Variants in AFF2 observed in about 807,000 individuals in gnomAD.
The protein encoded by AFF2 is ALF transcription elongation factor 2.
In AFF2, 14 loss-of-function variants were observed where a neutral mutation model predicts 76.9. That is an observed-to-expected ratio of 0.18 (90% CI 0.12 to 0.28). The LOEUF (loss-of-function observed/expected upper bound fraction) is 0.28, where lower values mean the gene tolerates loss of function less well. Among genes scored for constraint, AFF2 ranks in the 10% least tolerant of loss-of-function variants. The probability of loss-of-function intolerance (pLI) is 1.00; values close to 1 mark genes in which losing one functional copy is unlikely to be tolerated. For synonymous variants in AFF2, 398 were observed against 366.7 expected, an observed-to-expected ratio of 1.09 and a Z score of -0.98; for missense variants, 868 against 1,001.1, an observed-to-expected ratio of 0.87 and a Z score of 1.79.
chrX:148,755,864 C>T (rs1252867748), intron 3 of AFF2, among the ~76,000 whole-genome samples: 2 of 111,648 alleles, frequency 1.8e-5, no homozygotes, highest in East Asian at 5.6e-4. Flanking sequence ...CATCTGAGCC[C>T]TTTGCTCCTT....
chrX:148,558,603 TAAGAA>T (rs2053078060), intron 1 of AFF2, among the ~76,000 whole-genome samples: 1 of 111,417 alleles, frequency 9.0e-6, no homozygotes, highest in Admixed American at 9.5e-5. Flanking sequence ...TCCAAACATA[TAAGAA>T]AAGAGACAGA....
chrX:148,911,297 G>A (rs1233137849), intron 9 of AFF2, among the ~76,000 whole-genome samples: 2 of 111,391 alleles, frequency 1.8e-5, no homozygotes, highest in African/African-American at 6.5e-5. Context: ...ACTTGGTAAA[G>A]CCTTTGAAAT....
At chrX:148,590,477 T>G (rs781966072) in intron 1 of AFF2, among the ~76,000 whole-genome samples, 4 of 111,734 alleles carry the variant, frequency 3.6e-5, no homozygotes, top group African/African-American at 9.8e-5. Context: ...TTCTTCCTTT[T>G]TAATTTCTCA....
intron 4 of AFF2, among the ~76,000 whole-genome samples, chrX:148,835,545 C>T (rs1370426362): frequency 1.0e-5 from 1 of 96,139 alleles, no homozygotes; most frequent in Non-Finnish European, 2.0e-5. Flanking sequence ...AGTGCAGTGG[C>T]ACAATCTTGA....
At chrX:148,779,152 T>G (rs1294420199) in intron 3 of AFF2, among the ~76,000 whole-genome samples, 1 of 112,114 alleles carries the variant, frequency 8.9e-6, no homozygotes, top group African/African-American at 3.2e-5. Flanking sequence ...GTTGTGCGGT[T>G]TTCAGTGAGT....
chrX:148,704,537 T>C (rs1351619864), intron 3 of AFF2, among the ~76,000 whole-genome samples: 1 of 75,418 alleles, frequency 1.3e-5, no homozygotes, highest in South Asian at 6.4e-4. Flanking sequence ...TATATAAAAA[T>C]TTTTTTTGAG....
intron 1 of AFF2, among the ~76,000 whole-genome samples, chrX:148,610,069 T>C (rs1044289975): frequency 3.6e-5 from 4 of 111,758 alleles, no homozygotes; most frequent in Admixed American, 9.5e-5. Flanking sequence ...TGATGGGTGA[T>C]AATAGTGCTT....
At chrX:148,623,620 T>TATATATATA (rs1569552301) in intron 1 of AFF2, among the ~76,000 whole-genome samples, 2 of 108,274 alleles carry the variant, frequency 1.8e-5, no homozygotes, top group Non-Finnish European at 3.8e-5. Context: ...TATATATATA[T>TATATATATA]TTAACTTGGT....
At chrX:148,589,346 A>T (rs1812041396) in intron 1 of AFF2, among the ~76,000 whole-genome samples, 1 of 111,919 alleles carries the variant, frequency 8.9e-6, no homozygotes, top group African/African-American at 3.3e-5. Context: ...CATTTGGAAT[A>T]TGAATCTTGA....
chrX:148,519,011 T>A, intron 1 of AFF2, among the ~76,000 whole-genome samples: 1 of 112,008 alleles, frequency 8.9e-6, no homozygotes, highest in South Asian at 3.7e-4. Flanking sequence ...GGATTGGGAA[T>A]GACTGACCTA....
chrX:148,625,005 T>C (rs1470895296), intron 1 of AFF2, among the ~76,000 whole-genome samples: 1 of 111,716 alleles, frequency 9.0e-6, no homozygotes, highest in Non-Finnish European at 1.9e-5. Flanking sequence ...TTGTTCTTTT[T>C]TTTTGCATGC....
At chrX:148,883,982 C>T (rs1557278783) in intron 7 of AFF2, among the ~76,000 whole-genome samples, 1 of 13,166 alleles carries the variant, frequency 7.6e-5, no homozygotes, top group East Asian at 0.012. Context: ...TATTGAGATA[C>T]ACACACACAC....
chrX:148,813,566 A>G (rs964233036), intron 4 of AFF2, among the ~76,000 whole-genome samples: 1 of 112,006 alleles, frequency 8.9e-6, no homozygotes, highest in Non-Finnish European at 1.9e-5. Flanking sequence ...AACCTTTACA[A>G]TAACCCTCAA....
At chrX:148,953,463 A>G in intron 9 of AFF2, 117 bp from the exon 10 acceptor site, 1 of 805,857 alleles carries the variant, frequency 1.2e-6, no homozygotes, top group Non-Finnish European at 1.8e-6. Context: ...TAAAATGGGA[A>G]CGGTAAACCC....
rs782743407 is a variant in AFF2 at position 148,997,572 on chromosome X, T to G, written c.*6240T>G. On this transcript the variant is annotated 3_prime_UTR_variant, in exon 21 of 21. Coordinates refer to ENST00000370460, the MANE Select transcript of AFF2 (RefSeq NM_002025.4). The stretch of plus-strand genomic sequence containing the variant: ...ATGTCTTACTCGCTCTTTCTGGCCC[T>G]TCTGTCTTTTGCCTCTGCAATTCTT... 8.9e-6 allele frequency: 1 copy of G among 112,564 alleles called. No homozygotes were observed. The highest frequency in any genetic ancestry group is 3.7e-4 in the South Asian group (1 of 2,719). 9.3% of individuals were successfully genotyped at this position (112,564 alleles called of 1,213,427 possible).
In AFF2 at chrX:149,000,481, T is replaced by TTG; in HGVS notation, c.*9149_*9150insTG. On this transcript the variant is annotated 3_prime_UTR_variant, in exon 21 of 21. Coordinates refer to ENST00000370460, the MANE Select transcript of AFF2 (RefSeq NM_002025.4). ...CACAAGCGTTTTGTTGGTGCTTTGT[T>TTG]CTCAGTACAGTAACTCTGTGTACAA... is the stretch of plus-strand genomic sequence containing the variant. 1 of 113,181 alleles carries TTG rather than the reference T, an allele frequency of 8.8e-6. No individual in the cohort carries two copies. Among genetic ancestry groups the TTG allele is most frequent in the South Asian group, 3.6e-4 (1 of 2,758 alleles). 9.3% of individuals were successfully genotyped at this position (113,181 alleles called of 1,213,427 possible). A position where few individuals can be genotyped will look rare whatever the true frequency, so the allele number is the denominator to read the frequency against.
intron 3 of AFF2, among the ~76,000 whole-genome samples, chrX:148,770,590 A>G (rs1557268040): frequency 9.0e-6 from 1 of 111,712 alleles, no homozygotes; most frequent in Non-Finnish European, 1.9e-5. Flanking sequence ...ACAGCAGTCC[A>G]TAATCTATTG....
chrX:148,830,554 G>A (rs1365941107), intron 4 of AFF2, among the ~76,000 whole-genome samples: 6 of 111,934 alleles, frequency 5.4e-5, no homozygotes, highest in African/African-American at 1.6e-4. Flanking sequence ...TTTTAAAGCT[G>A]GGTGTCTGGG....
chrX:148,661,144 A>C (rs909453368), intron 2 of AFF2, among the ~76,000 whole-genome samples: 1 of 112,647 alleles, frequency 8.9e-6, no homozygotes, highest in African/African-American at 3.2e-5. Flanking sequence ...TGGTTTCCTT[A>C]AACAACAGTT....
Sources: gnomAD v4.1 joint callset for allele counts (sites outside exome capture counted in the v4.1 genomes callset) on GRCh38, gnomAD v4.1.1 for gene constraint, MANE v1.5 for transcripts, NCBI Gene and HGNC (gene_info 2026-07-23, HGNC 2026-07-21) for gene names.